AUNIP: variants seen among roughly 807,000 people sequenced by gnomAD.
The protein encoded by AUNIP is aurora kinase A- and ninein-interacting protein.
In AUNIP, 16 loss-of-function variants were observed where a neutral mutation model predicts 12.2. That is an observed-to-expected ratio of 1.31 (90% CI 0.88 to 1.99). The LOEUF is 1.99. Ranked by LOEUF, AUNIP falls within the 30% of genes most tolerant of loss-of-function variation. The pLI is 0.00. For missense variants in AUNIP, 411 were observed against 419.1 expected (o/e 0.98, Z 0.17); for synonymous variants, 142 against 154.8 (o/e 0.92, Z 0.61).
At chr1:25,846,920 C>G (rs981206521) in intron 1 of AUNIP, among the ~76,000 whole-genome samples, 9 of 152,132 alleles carry the variant, frequency 5.9e-5, no homozygotes, top group Admixed American at 1.3e-4. Flanking sequence ...GATGACAGTC[C>G]TATAAAAGAA....
downstream of AUNIP, chr1:25,833,877 G>T: frequency 2.8e-6 from 1 of 363,366 alleles, no homozygotes; most frequent in Non-Finnish European, 3.8e-6. Flanking sequence ...ATAATGCCTT[G>T]GGTAGAAGAC....
intron 1 of AUNIP, among the ~76,000 whole-genome samples, chr1:25,857,672 G>A (rs1047469933): frequency 5.3e-5 from 8 of 151,626 alleles, no homozygotes; most frequent in African/African-American, 9.7e-5. Flanking sequence ...AGACCAGCCT[G>A]GCCAACATAG....
chr1:25,832,446 G>C (rs2048258187), downstream of AUNIP: 1 of 440,078 alleles, frequency 2.3e-6, no homozygotes, highest in East Asian at 4.3e-5. Context: ...GGGCTGAGGG[G>C]AAGGGGCTAT....
chr1:25,843,198 A>G (rs1199661670), intron 1 of AUNIP, among the ~76,000 whole-genome samples: 2 of 148,940 alleles, frequency 1.3e-5, no homozygotes, highest in South Asian at 4.2e-4. Context: ...ATATATATAT[A>G]TATATTTTAC....
chr1:25,840,544 GTTC>G (rs1275262490), intron 1 of AUNIP, among the ~76,000 whole-genome samples: 5 of 152,074 alleles, frequency 3.3e-5, no homozygotes, highest in Admixed American at 6.6e-5. Context: ...CATTTCACAT[GTTC>G]TTCTTATGTG....
intron 1 of AUNIP, among the ~76,000 whole-genome samples, chr1:25,839,524 G>A (rs1009027565): frequency 1.3e-5 from 2 of 152,180 alleles, no homozygotes; most frequent in Non-Finnish European, 2.9e-5. Context: ...AGAGCTCTAA[G>A]GAGAATCATC....
At chr1:25,850,470 C>T (rs535964370) in intron 1 of AUNIP, among the ~76,000 whole-genome samples, 1 of 152,256 alleles carries the variant, frequency 6.6e-6, no homozygotes, top group African/African-American at 2.4e-5. Flanking sequence ...GCAAAAAGGA[C>T]AACTGAGATG....
At chr1:25,833,176 G>A (rs529978602), downstream of AUNIP, among the ~76,000 whole-genome samples, 1 of 152,068 alleles carries the variant, frequency 6.6e-6, no homozygotes, top group South Asian at 2.1e-4. Context: ...GCAGTGGTGG[G>A]ATCATTAGCT....
rs148251210 is a variant in AUNIP at position 25,840,380 on chromosome 1, T to C, written c.79-2826A>G. Among the ~76,000 whole-genome samples the C allele has an allele frequency of 2.6e-3, 400 of 152,216 alleles. 2 individuals carry two copies. Among genetic ancestry groups the C allele is most frequent in the African/African-American group, 9.0e-3 (373 of 41,526 alleles). On this transcript the variant is annotated intron_variant, in intron 1 of 2. Coordinates refer to ENST00000374298, the MANE Select transcript of AUNIP (RefSeq NM_024037.3). ...AGGAAGAAGCAAAGTCTTAGTGAGA[T>C]ATAAAGCATACATATAATTAGTCTC...
chr1:25,857,650 G>C (rs993156307), intron 1 of AUNIP, among the ~76,000 whole-genome samples: 2 of 151,534 alleles, frequency 1.3e-5, no homozygotes, highest in African/African-American at 4.8e-5. Flanking sequence ...ATCACTTGAG[G>C]TCAGGAGTTC....
intron 1 of AUNIP, among the ~76,000 whole-genome samples, chr1:25,848,677 T>C (rs976578094): frequency 3.9e-5 from 6 of 152,102 alleles, no homozygotes; most frequent in Non-Finnish European, 8.8e-5. Flanking sequence ...AGGCCATGCA[T>C]TAACAGCATG....
At chr1:25,836,017 T>C (rs1034817861) in intron 2 of AUNIP, among the ~76,000 whole-genome samples, 171 bp from the exon 3 acceptor site, 4 of 152,232 alleles carry the variant, frequency 2.6e-5, no homozygotes, top group Non-Finnish European at 4.4e-5. Context: ...CTTGCCAGTC[T>C]ATCATGAATA....
At chr1:25,854,833 C>T (rs11247817) in intron 1 of AUNIP, among the ~76,000 whole-genome samples, 3,290 of 152,286 alleles carry the variant, frequency 0.022, 126 homozygotes, top group African/African-American at 0.075. Context: ...CAGCTCCTCA[C>T]TGCATGAACC....
At chr1:25,837,961 C>T (rs1006450051) in intron 1 of AUNIP, among the ~76,000 whole-genome samples, 12 of 152,144 alleles carry the variant, frequency 7.9e-5, no homozygotes, top group African/African-American at 2.4e-4. Context: ...CAGTCCTTGG[C>T]CGGGCGCGGT....
At chr1:25,856,376 A>C (rs1464535921) in intron 1 of AUNIP, among the ~76,000 whole-genome samples, 1 of 151,120 alleles carries the variant, frequency 6.6e-6, no homozygotes, top group Non-Finnish European at 1.5e-5. Flanking sequence ...AAAAAAAAAA[A>C]CAAAACAAAC....
rs1553125038 is a variant in AUNIP, at chr1:25,859,372, C to CGAAGCCGGCAG, written c.-26_-16dup. On this transcript the variant is annotated 5_prime_UTR_variant, in exon 1 of 3. Transcript: ENST00000374298. Reference sequence around the variant, plus strand: ...GTCCGCCTCATGGCCGCTGAGGAGACGAAGCCGGCAGGACGCCGGCGCAGG... The same window carrying CGAAGCCGGCAG: ...GTCCGCCTCATGGCCGCTGAGGAGACGAAGCCGGCAGGAAGCCGGCAGGACGCCGGCGCAGG... The CGAAGCCGGCAG allele has an allele frequency of 8.0e-6, 12 of 1,507,962 alleles. No individual in the cohort carries two copies. The highest frequency in any genetic ancestry group is 9.7e-6 in the Non-Finnish European group (11 of 1,134,734). The allele number at this position is 1,507,962 out of a possible 1,614,324, so 93.4% of individuals were successfully genotyped here.
At chr1:25,837,356 T>C in intron 2 of AUNIP, 57 bp downstream of exon 2, 1 of 1,557,240 alleles carries the variant, frequency 6.4e-7, no homozygotes, top group Non-Finnish European at 8.7e-7. Context: ...CATGGACAAA[T>C]GAACACACTC....
intron 1 of AUNIP, among the ~76,000 whole-genome samples, chr1:25,843,593 T>TG (rs1557452542): frequency 7.8e-5 from 7 of 89,690 alleles, no homozygotes; most frequent in South Asian, 3.6e-4. Flanking sequence ...CCTGTCTGTT[T>TG]GAAAAAAAAA....
At chr1:25,852,998 T>C (rs182450652) in intron 1 of AUNIP, among the ~76,000 whole-genome samples, 1 of 152,322 alleles carries the variant, frequency 6.6e-6, no homozygotes, top group African/African-American at 2.4e-5. Flanking sequence ...AGAATATACT[T>C]TGTATGATTT....
Sources: allele counts gnomAD v4.1 joint callset (sites outside exome capture counted in the v4.1 genomes callset), GRCh38; gene constraint gnomAD v4.1.1; transcripts MANE v1.5; gene names NCBI Gene and HGNC (gene_info 2026-07-23, HGNC 2026-07-21).